Variants in HDAC9 observed in about 807,000 individuals in gnomAD.
HDAC9 encodes the protein histone deacetylase 9, also known as MEF-2 interacting transcription repressor (MITR) protein.
A neutral mutation model predicts 139.4 loss-of-function variants in HDAC9; 41 were observed. The ratio of observed to expected loss-of-function variants is 0.29; its 90% confidence interval spans 0.23 to 0.38. HDAC9 has a LOEUF of 0.38. HDAC9 is among the 10% of genes least tolerant of loss of function. The probability of loss-of-function intolerance (pLI) is 1.00; values close to 1 mark genes in which losing one functional copy is unlikely to be tolerated. For missense variants in HDAC9, 1,147 were observed against 1,297.0 expected (o/e 0.88, Z 1.78); for synonymous variants, 517 against 476.2 (o/e 1.09, Z -1.12).
At chr7:18,905,441 A>AT (rs1802145541) in intron 22 of HDAC9, among the ~76,000 whole-genome samples, 2 of 152,174 alleles carry the variant, frequency 1.3e-5, no homozygotes, top group South Asian at 4.1e-4. Flanking sequence ...TCTACTTAAG[A>AT]TTGTACAAGT....
At chr7:18,446,761 T>C (rs11977831) in intron 1 of HDAC9, among the ~76,000 whole-genome samples, 2 of 151,856 alleles carry the variant, frequency 1.3e-5, no homozygotes, top group South Asian at 2.1e-4. Flanking sequence ...TCCTGCAAGA[T>C]GCATTTTTTG....
At chr7:18,697,165 C>T (rs1291341201) in intron 12 of HDAC9, among the ~76,000 whole-genome samples, 1 of 152,102 alleles carries the variant, frequency 6.6e-6, no homozygotes, top group Non-Finnish European at 1.5e-5. Flanking sequence ...TAGCAGTTTC[C>T]CTTCAGCAGT....
chr7:18,126,474 T>G (rs1784680565), intron 1 of HDAC9, among the ~76,000 whole-genome samples: 1 of 152,166 alleles, frequency 6.6e-6, no homozygotes, highest in Non-Finnish European at 1.5e-5. Flanking sequence ...TGAACTTAAT[T>G]AGCAGCTAAG....
chr7:18,875,639 T>C (rs1054443256), intron 22 of HDAC9, among the ~76,000 whole-genome samples: 1 of 152,178 alleles, frequency 6.6e-6, no homozygotes, highest in Non-Finnish European at 1.5e-5. Context: ...TAAAAACATA[T>C]TAAAACAGGA....
At chr7:18,977,153 A>C (rs1784598070) in intron 25 of HDAC9, among the ~76,000 whole-genome samples, 1 of 152,232 alleles carries the variant, frequency 6.6e-6, no homozygotes, top group Non-Finnish European at 1.5e-5. Flanking sequence ...AGATAACTTT[A>C]TATGAATATC....
At chr7:18,738,578 A>C (rs1245304233) in intron 13 of HDAC9, among the ~76,000 whole-genome samples, 1 of 152,162 alleles carries the variant, frequency 6.6e-6, no homozygotes, top group Non-Finnish European at 1.5e-5. Context: ...GAGAATGTTG[A>C]ATATTGGCCT....
chr7:18,827,867 A>G (rs1053605166), intron 17 of HDAC9, among the ~76,000 whole-genome samples: 5 of 152,114 alleles, frequency 3.3e-5, no homozygotes, highest in African/African-American at 9.7e-5. Context: ...GTGTCAATCT[A>G]CCATCTTAAT....
intron 2 of HDAC9, among the ~76,000 whole-genome samples, chr7:18,213,401 T>C (rs541340076): frequency 3.3e-5 from 5 of 152,272 alleles, no homozygotes; most frequent in African/African-American, 1.2e-4. Context: ...TTTTTAACTT[T>C]CTTCTACCCA....
chr7:18,790,051 A>C (rs907932698), intron 16 of HDAC9, among the ~76,000 whole-genome samples: 1 of 152,206 alleles, frequency 6.6e-6, no homozygotes, highest in African/African-American at 2.4e-5. Flanking sequence ...AGATTATAGC[A>C]TAATTCATGA....
chr7:18,195,315 T>G (rs1263851520), intron 2 of HDAC9, among the ~76,000 whole-genome samples: 1 of 152,270 alleles, frequency 6.6e-6, no homozygotes, highest in East Asian at 1.9e-4. Flanking sequence ...ATTTAAAAAA[T>G]GTATTGGGTT....
chr7:18,163,430 G>T (rs1787791541), intron 2 of HDAC9, among the ~76,000 whole-genome samples: 1 of 152,182 alleles, frequency 6.6e-6, no homozygotes, highest in African/African-American at 2.4e-5. Context: ...ACTTTAGCAT[G>T]CATTGACATC....
intron 2 of HDAC9, among the ~76,000 whole-genome samples, chr7:18,538,518 C>T (rs1456728766): frequency 6.6e-6 from 1 of 152,110 alleles, no homozygotes; most frequent in Non-Finnish European, 1.5e-5. Flanking sequence ...TATTTTTACC[C>T]CTTACTAACT....
chr7:18,145,995 A>G (rs1431553025), intron 1 of HDAC9, among the ~76,000 whole-genome samples: 1 of 152,200 alleles, frequency 6.6e-6, no homozygotes, highest in East Asian at 1.9e-4. Flanking sequence ...CACATAGCAA[A>G]TATATAAGAC....
intron 1 of HDAC9, among the ~76,000 whole-genome samples, chr7:18,375,241 A>G (rs1217961430): frequency 6.6e-6 from 1 of 152,184 alleles, no homozygotes; most frequent in Non-Finnish European, 1.5e-5. Flanking sequence ...AGGCTGAGGC[A>G]GGCGGATTAC....
chr7:18,671,963 G>A (rs1420131639), intron 12 of HDAC9, among the ~76,000 whole-genome samples: 1 of 151,958 alleles, frequency 6.6e-6, no homozygotes, highest in Non-Finnish European at 1.5e-5. Context: ...TCATTCATCA[G>A]TTGAACACAC....
At chr7:18,547,806 CCCTTCCTTCCTT>C (rs1233554853) in intron 2 of HDAC9, among the ~76,000 whole-genome samples, 24 of 68,062 alleles carry the variant, frequency 3.5e-4, no homozygotes, top group Non-Finnish European at 4.0e-4. Flanking sequence ...TTCAAGAAAC[CCCTTCCTTCCTT>C]CCTTCCTTCC....
intron 1 of HDAC9, among the ~76,000 whole-genome samples, chr7:18,096,504 A>G (rs1193529120): frequency 1.3e-5 from 2 of 151,778 alleles, no homozygotes; most frequent in Admixed American, 6.6e-5. Context: ...CCCAAAATGG[A>G]AAAAAAAATA....
At chr7:18,090,820 A>T (rs1481761732) in intron 1 of HDAC9, among the ~76,000 whole-genome samples, 2 of 151,606 alleles carry the variant, frequency 1.3e-5, no homozygotes, top group Non-Finnish European at 2.9e-5. Flanking sequence ...ATTTCTTTCC[A>T]TGTAGATCTC....
intron 2 of HDAC9, among the ~76,000 whole-genome samples, chr7:18,202,832 T>C (rs988043750): frequency 2.0e-5 from 3 of 152,182 alleles, no homozygotes; most frequent in Non-Finnish European, 4.4e-5. Context: ...CCTGGAATGA[T>C]GCTCAAGTGG....
Sources: allele counts gnomAD v4.1 joint callset (sites outside exome capture counted in the v4.1 genomes callset), GRCh38; gene constraint gnomAD v4.1.1; transcripts MANE v1.5; gene names NCBI Gene and HGNC (gene_info 2026-07-23, HGNC 2026-07-21).